The following CRTAC1 variants were observed in gnomAD, a reference collection of about 807,000 sequenced individuals.
CRTAC1 encodes the protein cartilage acidic protein 1.
Under a neutral mutation model 67.8 loss-of-function variants are expected in CRTAC1, and 37 were observed. That is an observed-to-expected ratio of 0.55 (90% confidence interval 0.42 to 0.72). CRTAC1 has a LOEUF of 0.72. CRTAC1 is among the 30% of genes least tolerant of loss of function. CRTAC1 has a pLI of 0.00. For synonymous variants in CRTAC1, 348 were observed against 371.0 expected (o/e 0.94, Z 0.71); for missense variants, 780 against 931.6 (o/e 0.84, Z 2.12).
At chr10:97,985,524 C>T (rs1379587812) in intron 2 of CRTAC1, among the ~76,000 whole-genome samples, 2 of 152,160 alleles carry the variant, frequency 1.3e-5, no homozygotes, top group Non-Finnish European at 2.9e-5. Flanking sequence ...AGGTGCTCTT[C>T]CTGCTTGCGG....
chr10:97,913,663 G>T (rs2050720461), intron 5 of CRTAC1, among the ~76,000 whole-genome samples: 1 of 152,192 alleles, frequency 6.6e-6, no homozygotes, highest in South Asian at 2.1e-4. Flanking sequence ...TGTGTGTCCT[G>T]GGCTTTGGGT....
At chr10:97,898,388 A>C (rs548058643) in intron 8 of CRTAC1, among the ~76,000 whole-genome samples, 2 of 152,332 alleles carry the variant, frequency 1.3e-5, no homozygotes, top group African/African-American at 4.8e-5. Flanking sequence ...AGGAAGGGTC[A>C]GCTAAGCTGA....
chr10:97,885,510 C>A (rs775726987), intron 11 of CRTAC1, among the ~76,000 whole-genome samples: 2 of 152,336 alleles, frequency 1.3e-5, no homozygotes, highest in Non-Finnish European at 2.9e-5. Flanking sequence ...AAGCAACGTG[C>A]CACATCATTG....
intron 1 of CRTAC1, among the ~76,000 whole-genome samples, chr10:98,019,905 G>C (rs986562740): frequency 6.6e-6 from 1 of 152,308 alleles, no homozygotes; most frequent in South Asian, 2.1e-4. Context: ...AATCTGAGTC[G>C]GGGAGTGGGA....
At chr10:97,893,068 C>T (rs1046800315) in intron 11 of CRTAC1, among the ~76,000 whole-genome samples, 3 of 152,196 alleles carry the variant, frequency 2.0e-5, no homozygotes, top group African/African-American at 7.2e-5. Context: ...CTTAATTGTT[C>T]TGATCTTCAG....
intron 9 of CRTAC1, among the ~76,000 whole-genome samples, chr10:97,896,200 C>T (rs1183446582): frequency 6.6e-6 from 1 of 152,162 alleles, no homozygotes; most frequent in Non-Finnish European, 1.5e-5. Flanking sequence ...CTTCCTTCCC[C>T]TGGTCTTTGC....
At chr10:97,927,765 C>T (rs1208567695) in intron 3 of CRTAC1, among the ~76,000 whole-genome samples, 1 of 152,206 alleles carries the variant, frequency 6.6e-6, no homozygotes, top group South Asian at 2.1e-4. Context: ...AGATGGGAGC[C>T]CGTGATTTAG....
At position 97,917,589 on chromosome 10, in the gene CRTAC1, A is replaced by G. The variant is rs374428841; in HGVS notation, c.626T>C (p.Ile209Thr). Reference sequence around the variant, plus strand: ...GTCACTGGCCTCAGGGTCCATTTCAATGAGGGCATCAGGGCCCACATTACC... The same window carrying G: ...GTCACTGGCCTCAGGGTCCATTTCAGTGAGGGCATCAGGGCCCACATTACC... The part of the protein sequence containing the change: ...AYGNVGPDAL[I>T]EMDPEASDLS... The change falls in exon 5 of 15, where the codon ATT becomes ACT. Residue 209 changes from isoleucine (I) to threonine (T), a missense_variant. Transcript: ENST00000370597. 1.0e-5 allele frequency: 16 copies of G among 1,603,562 alleles called. No individual in the cohort carries two copies. In the African/African-American group the frequency reaches 1.9e-4, roughly 19 times the overall value.
chr10:98,029,359 C>T lies in CRTAC1; in HGVS notation c.24+1090G>A, dbSNP rs1335374961. Among the ~76,000 whole-genome samples the T allele has an allele frequency of 3.9e-5, 6 of 152,166 alleles. No homozygotes were observed. Among genetic ancestry groups the T allele is most frequent in the African/African-American group, 1.4e-4 (6 of 41,440 alleles). ...CCCTCTTCCCTTCTTTTCCACTTGGCTTCACGTGGAAAGTCCTGCACCCAT... is the reference window on the plus strand; with the variant it reads ...CCCTCTTCCCTTCTTTTCCACTTGGTTTCACGTGGAAAGTCCTGCACCCAT... On this transcript the variant is annotated intron_variant, in intron 1 of 14. Transcript: ENST00000370597. The surrounding 1 kb of genome is among the most constrained non-coding windows in gnomAD (Gnocchi z 4.7).
At position 97,917,639 on chromosome 10, in the gene CRTAC1, A is replaced by G; in HGVS notation, c.576T>C (p.Ser192=). The change falls in exon 5 of 15, where the codon TCT becomes TCC. Residue 192 remains serine, a synonymous_variant. Coordinates refer to ENST00000370597, the MANE Select transcript of CRTAC1 (RefSeq NM_018058.7). ...CVDRKGSGRY[S]IYIANYAYGN... is the part of the protein sequence containing the mutation. ...CGTAGGCGTAATTGGCAATGTAGAT[A>G]GAGTAGCGTCCAGAGCCCTGAGGAA... 6.3e-7 allele frequency: 1 copy of G among 1,585,536 alleles called. No homozygotes were observed. Among genetic ancestry groups the G allele is most frequent in the Non-Finnish European group, 8.6e-7 (1 of 1,162,152 alleles).
At chr10:97,995,481 G>T (rs1842546445) in intron 2 of CRTAC1, among the ~76,000 whole-genome samples, 2 of 152,186 alleles carry the variant, frequency 1.3e-5, no homozygotes, top group African/African-American at 4.8e-5. Flanking sequence ...GTGATAGAAA[G>T]AACACAAGCT....
intron 1 of CRTAC1, among the ~76,000 whole-genome samples, chr10:98,017,410 G>A (rs1465767785): frequency 6.6e-6 from 1 of 152,140 alleles, no homozygotes; most frequent in Non-Finnish European, 1.5e-5. Flanking sequence ...AGGGTGCCTC[G>A]GTAAGGGATG....
At chr10:97,914,568 C>T (rs1590204823) in intron 5 of CRTAC1, among the ~76,000 whole-genome samples, 1 of 152,346 alleles carries the variant, frequency 6.6e-6, no homozygotes, top group East Asian at 1.9e-4. Flanking sequence ...GGCCTGGCTC[C>T]AGACCCTGTC....
chr10:97,984,111 C>T lies in CRTAC1; in HGVS notation c.224+27027G>A, dbSNP rs542265777. On this transcript the variant is annotated intron_variant, in intron 2 of 14. Transcript: ENST00000370597. ...ACTGCTTGTTAAACCTCATCTGCTTCCCATGTGAAGGCGAAAATCCCTACA... is the reference window on the plus strand; with the variant it reads ...ACTGCTTGTTAAACCTCATCTGCTTTCCATGTGAAGGCGAAAATCCCTACA... Among the ~76,000 whole-genome samples, 7 of 152,296 alleles carry T rather than the reference C, an allele frequency of 4.6e-5. No individual in the cohort carries two copies. The East Asian group carries it at 1.3e-3, about 29-fold the overall frequency.
chr10:97,921,902 T>C lies in CRTAC1; in HGVS notation c.558+1362A>G, dbSNP rs1287628605. ...TCCTGTGCTGCAGTGCCAGGTCATC[T>C]TTTTTTTTTTTTTTCATTTCACATA... On this transcript the variant is annotated intron_variant, in intron 4 of 14. Coordinates refer to ENST00000370597, the MANE Select transcript of CRTAC1 (RefSeq NM_018058.7). Among the ~76,000 whole-genome samples the C allele has an allele frequency of 1.7e-4, 3 of 17,770 alleles. No individual in the cohort carries two copies. In the South Asian group the frequency reaches 4.5e-3, roughly 27 times the overall value. 11.7% of individuals were successfully genotyped at this position (17,770 alleles called of 152,430 possible).
intron 2 of CRTAC1, among the ~76,000 whole-genome samples, chr10:98,002,859 A>G (rs926505740): frequency 3.0e-5 from 4 of 132,492 alleles, no homozygotes; most frequent in Admixed American, 1.8e-4. Flanking sequence ...GTTCACTGCA[A>G]GCTCCGCCTC....
intron 2 of CRTAC1, among the ~76,000 whole-genome samples, chr10:97,979,825 C>T (rs1418257110): frequency 1.3e-5 from 2 of 152,168 alleles, no homozygotes; most frequent in East Asian, 1.9e-4. Context: ...TAACCTGCAG[C>T]AGGGGCTGAG....
intron 2 of CRTAC1, among the ~76,000 whole-genome samples, chr10:97,985,777 A>G (rs1178924136): frequency 6.6e-6 from 1 of 152,198 alleles, no homozygotes; most frequent in African/African-American, 2.4e-5. Context: ...ACGTGCATGC[A>G]TCTGGACCAT....
intron 2 of CRTAC1, among the ~76,000 whole-genome samples, chr10:97,995,676 C>A (rs1300820202): frequency 6.6e-6 from 1 of 152,098 alleles, no homozygotes; most frequent in African/African-American, 2.4e-5. Context: ...TTAGACCTGG[C>A]AGCAATGAAT....
Sources: allele counts gnomAD v4.1 joint callset (sites outside exome capture counted in the v4.1 genomes callset), GRCh38; gene constraint gnomAD v4.1.1; non-coding constraint Gnocchi (gnomAD v3.1); transcripts MANE v1.5; gene names NCBI Gene and HGNC (gene_info 2026-07-23, HGNC 2026-07-21).